Variants in SLC4A4 observed in about 807,000 individuals in gnomAD.
The protein encoded by SLC4A4 is electrogenic sodium bicarbonate cotransporter 1.
Under a neutral mutation model 111.5 loss-of-function variants are expected in SLC4A4, and 27 were observed. The ratio of observed to expected loss-of-function variants is 0.24; its 90% CI spans 0.18 to 0.33. SLC4A4 has a LOEUF of 0.33. SLC4A4 is among the 10% of genes least tolerant of loss of function. The pLI, the probability that SLC4A4 is intolerant of heterozygous loss-of-function variation, is 1.00. For synonymous variants in SLC4A4, 443 were observed against 463.4 expected, an observed-to-expected ratio of 0.96 and a Z score of 0.57; for missense variants, 909 against 1,315.5, an observed-to-expected ratio of 0.69 and a Z score of 4.78.
At chr4:71,360,339 A>C (rs2148917043) in intron 6 of SLC4A4, among the ~76,000 whole-genome samples, 1 of 152,242 alleles carries the variant, frequency 6.6e-6, no homozygotes, top group Non-Finnish European at 1.5e-5. Flanking sequence ...CTTGATTTTT[A>C]AATTTTTTTT....
intron 14 of SLC4A4, chr4:71,473,297 CA>C: frequency 1.7e-6 from 1 of 592,704 alleles, no homozygotes. Flanking sequence ...CATGTATTAA[CA>C]GATATAAATA....
At chr4:71,560,389 T>G in intron 23 of SLC4A4, 135 bp downstream of exon 23, 1 of 969,550 alleles carries the variant, frequency 1.0e-6, no homozygotes, top group East Asian at 2.7e-5. Context: ...TATTACTCAT[T>G]TCACCTCCCT....
At chr4:71,392,815 C>T (rs1719437591) in intron 6 of SLC4A4, among the ~76,000 whole-genome samples, 1 of 152,040 alleles carries the variant, frequency 6.6e-6, no homozygotes. Flanking sequence ...GATAATCCAC[C>T]ATGATCAAGT....
chr4:71,218,001 A>G (rs1469503482), intron 1 of SLC4A4, among the ~76,000 whole-genome samples: 1 of 149,842 alleles, frequency 6.7e-6, no homozygotes, highest in Non-Finnish European at 1.5e-5. Context: ...GCTTTTTCTA[A>G]GACTCTTCTT....
chr4:71,222,576 A>G (rs778892158), intron 1 of SLC4A4, among the ~76,000 whole-genome samples: 1 of 152,254 alleles, frequency 6.6e-6, no homozygotes, highest in Non-Finnish European at 1.5e-5. Flanking sequence ...AATAAATTGA[A>G]TAAATGAATG....
intron 2 of SLC4A4, among the ~76,000 whole-genome samples, chr4:71,100,118 C>G (rs1040677155): frequency 3.3e-5 from 5 of 152,166 alleles, no homozygotes; most frequent in African/African-American, 1.2e-4. Context: ...CCAGCATTAT[C>G]CTGATACCAA....
Position 71,568,728 on chromosome 4 carries a change from G to A in SLC4A4, c.*977G>A, listed in dbSNP as rs1737711233. On this transcript the variant is annotated 3_prime_UTR_variant, in exon 26 of 26. Coordinates refer to ENST00000264485, the MANE Select transcript of SLC4A4 (RefSeq NM_001098484.3). ...CTTATTTGTAGCTGCCAGGCTTTCT[G>A]TAAAAATTGTATTGTATATAATGTG... The A allele has an allele frequency of 6.6e-6, 1 of 151,968 alleles. No individual in the cohort carries two copies. The highest frequency in any genetic ancestry group is 1.5e-5 in the Non-Finnish European group (1 of 67,756). The allele number at this position is 151,968 out of a possible 1,614,324, so 9.4% of individuals were successfully genotyped here.
At chr4:71,386,569 T>G (rs1718737640) in intron 6 of SLC4A4, among the ~76,000 whole-genome samples, 1 of 151,960 alleles carries the variant, frequency 6.6e-6, no homozygotes, top group Non-Finnish European at 1.5e-5. Context: ...TCTAACAGTT[T>G]TATTGAGGTT....
intron 16 of SLC4A4, among the ~76,000 whole-genome samples, chr4:71,509,463 T>G (rs1731714332): frequency 6.6e-6 from 1 of 152,116 alleles, no homozygotes; most frequent in Non-Finnish European, 1.5e-5. Context: ...GTATATTGGC[T>G]TTCATTCTGG....
intron 3 of SLC4A4, among the ~76,000 whole-genome samples, chr4:71,288,036 C>G (rs1442979840): frequency 2.0e-5 from 3 of 152,058 alleles, no homozygotes; most frequent in East Asian, 1.9e-4. Flanking sequence ...AATGATCTTT[C>G]AATCATTTTT....
intron 16 of SLC4A4, among the ~76,000 whole-genome samples, chr4:71,528,438 A>G (rs1733605116): frequency 6.6e-6 from 1 of 152,102 alleles, no homozygotes; most frequent in Non-Finnish European, 1.5e-5. Flanking sequence ...TTGTTGACAA[A>G]TTTCTTTTGC....
intron 4 of SLC4A4, among the ~76,000 whole-genome samples, chr4:71,343,099 T>G (rs2148893830): frequency 6.6e-6 from 1 of 152,336 alleles, no homozygotes; most frequent in South Asian, 2.1e-4. Context: ...ACTATCATAT[T>G]TCTAGTTCCT....
intron 2 of SLC4A4, among the ~76,000 whole-genome samples, chr4:71,179,560 A>AACAG (rs1462616900): frequency 7.3e-6 from 1 of 137,332 alleles, no homozygotes; most frequent in African/African-American, 3.5e-5. Flanking sequence ...ATATACCAAT[A>AACAG]ACAGACAGAG....
At chr4:71,506,434 T>G (rs1022661943) in intron 16 of SLC4A4, among the ~76,000 whole-genome samples, 4 of 152,160 alleles carry the variant, frequency 2.6e-5, no homozygotes, top group African/African-American at 9.7e-5. Flanking sequence ...CCTAGGTATT[T>G]TATTCTTTTT....
At chr4:71,226,360 A>G (rs1719049025) in intron 1 of SLC4A4, among the ~76,000 whole-genome samples, 2 of 152,168 alleles carry the variant, frequency 1.3e-5, no homozygotes, top group African/African-American at 2.4e-5. Context: ...TTTTAAGTTC[A>G]TTCATTATTC....
At position 71,357,272 on chromosome 4, in the gene SLC4A4, C is replaced by G. The variant is rs566236524; in HGVS notation, c.730+85C>G. 8.0e-6 allele frequency: 11 copies of G among 1,372,318 alleles called. No homozygotes were observed. In the African/African-American group the frequency reaches 1.4e-4, roughly 18 times the overall value. 85.0% of individuals were successfully genotyped at this position (1,372,318 alleles called of 1,614,324 possible). ...GTCTCCTGTCATCTTTGTTTTAACC[C>G]TTCTCCATATTTTTTCTTTTCTTGA... On this transcript the variant is annotated intron_variant, in intron 6 of 25. Transcript: ENST00000264485.
chr4:71,312,335 CCA>C (rs1460384662), intron 3 of SLC4A4, among the ~76,000 whole-genome samples: 1 of 152,116 alleles, frequency 6.6e-6, no homozygotes, highest in Non-Finnish European at 1.5e-5. Flanking sequence ...CTGAATTCTA[CCA>C]GAGGTACAAA....
chr4:71,397,683 T>C (rs1719953546), intron 7 of SLC4A4, 30 bp downstream of exon 7: 3 of 1,565,862 alleles, frequency 1.9e-6, no homozygotes, highest in Non-Finnish European at 2.6e-6. Flanking sequence ...TTCTTTGAAA[T>C]GTAAGAGAAC....
chr4:71,473,444 A>G (rs930048761), intron 14 of SLC4A4: 1 of 232,074 alleles, frequency 4.3e-6, no homozygotes, highest in African/African-American at 2.3e-5. Flanking sequence ...GAATTAAATT[A>G]TGAAAAAAAG....
Sources: allele counts gnomAD v4.1 joint callset (sites outside exome capture counted in the v4.1 genomes callset), GRCh38; gene constraint gnomAD v4.1.1; transcripts MANE v1.5; gene names NCBI Gene and HGNC (gene_info 2026-07-23, HGNC 2026-07-21).